The following CELF6 variants were observed in gnomAD, a reference collection of about 807,000 sequenced individuals.
CELF6 encodes the protein CUGBP Elav-like family member 6, also known as Bruno -like 6, RNA binding protein.
A neutral mutation model predicts 53.1 loss-of-function variants in CELF6; 32 were observed. That is an observed-to-expected ratio of 0.60 (90% CI 0.46 to 0.81). The LOEUF (loss-of-function observed/expected upper bound fraction) is 0.81. Among genes scored for constraint, CELF6 ranks in the 30% least tolerant of loss-of-function variants. The probability of loss-of-function intolerance (pLI) is 0.00; values close to 1 mark genes in which losing one functional copy is unlikely to be tolerated. For synonymous variants in CELF6, 291 were observed against 288.8 expected (o/e 1.01, Z -0.08); for missense variants, 539 against 669.5 (o/e 0.81, Z 2.15).
chr15:72,306,121 T>C (rs888778117), intron 2 of CELF6: 2 of 984,180 alleles, frequency 2.0e-6, no homozygotes, highest in African/African-American at 3.5e-5. Flanking sequence ...AGTGAATTCA[T>C]GATTGAATCC....
intron 3 of CELF6, among the ~76,000 whole-genome samples, chr15:72,296,428 T>TA (rs940049598): frequency 2.0e-5 from 3 of 151,770 alleles, no homozygotes; most frequent in Non-Finnish European, 4.4e-5. Flanking sequence ...AGGGCAAAAA[T>TA]AAAAAACTAG....
chr15:72,299,335 G>A (rs2088120896), intron 3 of CELF6, among the ~76,000 whole-genome samples: 1 of 151,468 alleles, frequency 6.6e-6, no homozygotes, highest in Admixed American at 6.6e-5. Context: ...GCACACAAAT[G>A]CTGAGGGAAA....
At chr15:72,315,978 C>A in intron 1 of CELF6, 51 bp from the exon 2 acceptor site, 2 of 1,282,266 alleles carry the variant, frequency 1.6e-6, no homozygotes, top group Non-Finnish European at 2.2e-6. Context: ...CCCAACTATT[C>A]TTCTTCGAAA....
At chr15:72,292,148 C>G (rs2088014361) in intron 3 of CELF6, 1 of 1,347,646 alleles carries the variant, frequency 7.4e-7, no homozygotes, top group East Asian at 2.5e-5. Context: ...TTGATCCTCC[C>G]CTAATACTCC....
At position 72,304,751 on chromosome 15, in the gene CELF6, C is replaced by G. The variant is rs757921980; in HGVS notation, c.389G>C (p.Arg130Pro). The change falls in exon 3 of 13, where the codon CGA becomes CCA. Residue 130 changes from arginine to proline, a missense_variant. By Grantham distance (103) the Arg-to-Pro change is moderately radical (BLOSUM62 -2). Transcript: ENST00000287202. The stretch of plus-strand genomic sequence containing the variant: ...TGGTCAGACAGGGAAGTTACCTCCT[C>G]GGCCCTCACTGGCAGCTGGCTTCAC... ...IQVKPAASEG[R>P]GEDRKLFVGM... 9 of 1,614,022 alleles carry G rather than the reference C, an allele frequency of 5.6e-6. No individual in the cohort carries two copies. Among genetic ancestry groups the G allele is most frequent in the Non-Finnish European group, 7.6e-6 (9 of 1,179,990 alleles).
intron 2 of CELF6, among the ~76,000 whole-genome samples, chr15:72,315,552 A>T (rs1282606536): frequency 6.6e-6 from 1 of 152,198 alleles, no homozygotes; most frequent in East Asian, 1.9e-4. Context: ...AGACACCCAA[A>T]GCCATAATTT....
chr15:72,311,658 T>C (rs1351044506), intron 2 of CELF6, among the ~76,000 whole-genome samples: 1 of 152,186 alleles, frequency 6.6e-6, no homozygotes, highest in Non-Finnish European at 1.5e-5. Context: ...CGCCTCAGCC[T>C]CCCAAAGTGC....
intron 1 of CELF6, among the ~76,000 whole-genome samples, chr15:72,318,319 G>A (rs115996002): frequency 0.018 from 2,693 of 152,194 alleles, 82 homozygotes; most frequent in African/African-American, 0.06. Flanking sequence ...GGAACCCTAC[G>A]AGGCCTCCAA....
intron 1 of CELF6, among the ~76,000 whole-genome samples, chr15:72,316,451 G>A (rs1430068050): frequency 6.6e-6 from 1 of 152,120 alleles, no homozygotes; most frequent in Non-Finnish European, 1.5e-5. Flanking sequence ...TTGAAGCTGG[G>A]GAATGGATTG....
At chr15:72,294,262 CA>C (rs1173757302) in intron 3 of CELF6, among the ~76,000 whole-genome samples, 1 of 152,136 alleles carries the variant, frequency 6.6e-6, no homozygotes, top group South Asian at 2.1e-4. Context: ...CCACTCACAC[CA>C]AATCACCTCC....
chr15:72,300,268 G>T (rs903434323), intron 3 of CELF6, among the ~76,000 whole-genome samples: 1 of 151,922 alleles, frequency 6.6e-6, no homozygotes, highest in African/African-American at 2.4e-5. Context: ...GGCTGAGGCA[G>T]GGGGATCACT....
intron 12 of CELF6, among the ~76,000 whole-genome samples, chr15:72,286,904 CT>C (rs373591302): frequency 1.4e-3 from 209 of 152,320 alleles, no homozygotes; most frequent in African/African-American, 4.5e-3. Flanking sequence ...CCCAAAGCTA[CT>C]TTTCTAGTCT....
At chr15:72,305,699 A>G (rs2088217828) in intron 2 of CELF6, among the ~76,000 whole-genome samples, 1 of 151,976 alleles carries the variant, frequency 6.6e-6, no homozygotes, top group African/African-American at 2.4e-5. Flanking sequence ...ACTCAGCCTC[A>G]GCTCCTCTCC....
Position 72,290,108 on chromosome 15 carries a change from CG to C in CELF6, c.523+18del. 6.2e-7 allele frequency: 1 copy of C among 1,613,256 alleles called. No homozygotes were observed. Among genetic ancestry groups the C allele is most frequent in the Non-Finnish European group, 8.5e-7 (1 of 1,179,450 alleles). On this transcript the variant is annotated intron_variant, in intron 4 of 12. Transcript: ENST00000287202. ...GTGAGGAAGGGTCACCAGGAAATCC[CG>C]GGGTCAGCTCAGGTCACCTTTACTG...
At chr15:72,286,841 C>G (rs1264439059) in intron 12 of CELF6, among the ~76,000 whole-genome samples, 1 of 152,218 alleles carries the variant, frequency 6.6e-6, no homozygotes, top group African/African-American at 2.4e-5. Context: ...ACAGTTCATT[C>G]TCATCTTCAG....
intron 12 of CELF6, 67 bp downstream of exon 12, chr15:72,287,170 G>A: frequency 1.4e-6 from 2 of 1,464,790 alleles, no homozygotes; most frequent in South Asian, 1.3e-5. Flanking sequence ...CCCAAAAGGA[G>A]GACCATCAAA....
chr15:72,315,817 T>C (rs777210198), intron 2 of CELF6, 28 bp downstream of exon 2: 23 of 1,518,276 alleles, frequency 1.5e-5, no homozygotes, highest in Admixed American at 1.9e-5. Context: ...CCTGAGGTGA[T>C]TCCCACCCCC....
intron 3 of CELF6, among the ~76,000 whole-genome samples, chr15:72,292,857 A>G (rs778077043): frequency 2.1e-4 from 32 of 152,130 alleles, no homozygotes; most frequent in Non-Finnish European, 4.1e-4. Flanking sequence ...GTAAAACCCC[A>G]TCTCTACTAA....
rs1301774441 is a variant in CELF6, at chr15:72,310,660, T to TA, written c.345+5184dup. The stretch of plus-strand genomic sequence containing the variant: ...CACACCACCACACCTGGCTAATTTT[T>TA]AAAAAACTTTTGTAGAGACGGGGTC... On this transcript the variant is annotated intron_variant, in intron 2 of 12. Transcript: ENST00000287202. Among the ~76,000 whole-genome samples, 4 of 152,018 alleles carry TA rather than the reference T, an allele frequency of 2.6e-5. No individual in the cohort carries two copies. The East Asian group carries it at 7.7e-4, about 29-fold the overall frequency.
Sources: gnomAD v4.1 joint callset for allele counts (sites outside exome capture counted in the v4.1 genomes callset) on GRCh38, gnomAD v4.1.1 for gene constraint, MANE v1.5 for transcripts, NCBI Gene and HGNC (gene_info 2026-07-23, HGNC 2026-07-21) for gene names.